The following TRIO variants were observed in gnomAD, a reference collection of about 807,000 sequenced individuals.
TRIO encodes triple functional domain protein.
In TRIO, 58 loss-of-function variants were observed where a neutral mutation model predicts 351.9. The ratio of observed to expected loss-of-function variants is 0.16; its 90% CI spans 0.13 to 0.21. The LOEUF (loss-of-function observed/expected upper bound fraction) is 0.21. TRIO is among the 10% of genes least tolerant of loss of function. TRIO has a pLI of 1.00. For synonymous variants in TRIO, 1,758 were observed against 1,595.7 expected, an observed-to-expected ratio of 1.10 and a Z score of -2.42; for missense variants, 3,201 against 4,027.8, an observed-to-expected ratio of 0.79 and a Z score of 5.56.
chr5:14,477,003 G>A, intron 41 of TRIO, 40 bp downstream of exon 41: 1 of 1,540,124 alleles, frequency 6.5e-7, no homozygotes, highest in Non-Finnish European at 8.9e-7. Context: ...TTCTGATGGT[G>A]TCATCCTTAG....
chr5:14,473,944 G>T, intron 39 of TRIO, 50 bp from the exon 40 acceptor site: 1 of 1,558,068 alleles, frequency 6.4e-7, no homozygotes, highest in South Asian at 1.2e-5. Context: ...GCCACTAGTT[G>T]ATTCAGACAT....
At chr5:14,149,084 C>A (rs1270812389) in intron 1 of TRIO, among the ~76,000 whole-genome samples, 1 of 152,150 alleles carries the variant, frequency 6.6e-6, no homozygotes, top group Non-Finnish European at 1.5e-5. Context: ...TGCTGTGCCT[C>A]TGAACTGAGG....
rs763311887 is a variant in TRIO at position 14,474,094 on chromosome 5, G to A, written c.6080G>A (p.Arg2027Lys). The A allele has an allele frequency of 1.9e-6, 3 of 1,612,546 alleles. No homozygotes were observed. Among genetic ancestry groups the A allele is most frequent in the South Asian group, 2.2e-5 (2 of 90,996 alleles). ...ATCCATCAGATTTACGACTGGCACA[G>A]AGAGTACGTAAACATGCATTGTGCC... ...GNIHQIYDWHRDFFLGELEKC... is the reference protein window; with the variant it reads ...GNIHQIYDWHKDFFLGELEKC... Residue 2027 changes from arginine to lysine, a missense_variant, in exon 40 of 57, where the codon AGA becomes AAA. Arg to Lys is a conservative substitution (Grantham distance 26). Coordinates refer to ENST00000344204, the MANE Select transcript of TRIO (RefSeq NM_007118.4).
chr5:14,373,256 A>G (rs1190444611), intron 18 of TRIO, among the ~76,000 whole-genome samples: 1 of 152,070 alleles, frequency 6.6e-6, no homozygotes, highest in Non-Finnish European at 1.5e-5. Flanking sequence ...ATATCAGACA[A>G]CTCGAAATTT....
intron 20 of TRIO, among the ~76,000 whole-genome samples, chr5:14,379,889 G>A (rs1196820888): frequency 6.6e-6 from 1 of 152,204 alleles, no homozygotes; most frequent in Admixed American, 6.5e-5. Context: ...CACATACCCA[G>A]TGCTTTCGCA....
At chr5:14,331,069 A>G (rs1581634918) in intron 10 of TRIO, among the ~76,000 whole-genome samples, 169 bp downstream of exon 10, 1 of 152,266 alleles carries the variant, frequency 6.6e-6, no homozygotes, top group Non-Finnish European at 1.5e-5. Context: ...CTAGGCAGAA[A>G]CATGATTTGG....
chr5:14,503,117 C>T (rs990525174), intron 54 of TRIO, among the ~76,000 whole-genome samples: 1 of 152,212 alleles, frequency 6.6e-6, no homozygotes, highest in Non-Finnish European at 1.5e-5. Flanking sequence ...GAGGGGCAGC[C>T]GAGTCAGGGG....
chr5:14,377,156 G>GT (rs112812791), intron 19 of TRIO, among the ~76,000 whole-genome samples: 2,044 of 137,356 alleles, frequency 0.015, 45 homozygotes, highest in African/African-American at 0.047. Context: ...CATGAGGTTT[G>GT]TTTTTTTTTT....
intron 9 of TRIO, among the ~76,000 whole-genome samples, chr5:14,323,355 C>T (rs77448539): frequency 0.01 from 1,581 of 151,964 alleles, 27 homozygotes; most frequent in African/African-American, 0.036. Context: ...TCTGTGTCAC[C>T]GCTCTGGGTC....
intron 34 of TRIO, chr5:14,440,992 C>G (rs973610612): frequency 4.7e-5 from 7 of 149,940 alleles, no homozygotes; most frequent in African/African-American, 1.2e-4. Flanking sequence ...ACTTGTGAAA[C>G]CCAACTGCAG....
chr5:14,262,847 G>A (rs1378187896), intron 1 of TRIO, among the ~76,000 whole-genome samples: 4 of 152,056 alleles, frequency 2.6e-5, no homozygotes, highest in Non-Finnish European at 5.9e-5. Flanking sequence ...ATGTTCAGGG[G>A]GGCATGGCTA....
At chr5:14,170,992 A>G (rs1005208372) in intron 1 of TRIO, among the ~76,000 whole-genome samples, 2 of 152,198 alleles carry the variant, frequency 1.3e-5, no homozygotes, top group Non-Finnish European at 2.9e-5. Flanking sequence ...GTAATGAAAA[A>G]TTACTGAAAC....
At chr5:14,507,044 C>T in intron 55 of TRIO, 78 bp from the exon 56 acceptor site, 1 of 1,483,938 alleles carries the variant, frequency 6.7e-7, no homozygotes. Context: ...ACAGGTCCGA[C>T]ATGTTTACTT....
In TRIO at chr5:14,225,793, C is replaced by CCG. The variant is rs932866166; in HGVS notation, c.158-45031_158-45030insGC. On this transcript the variant is annotated intron_variant, in intron 1 of 56. Transcript: ENST00000344204. Reference sequence around the variant, plus strand: ...TATCCCATCATATTCACTGCTCCCACCCCCCCCCCCACCTCCAAGCCCAAA... The same window carrying CCG: ...TATCCCATCATATTCACTGCTCCCACCGCCCCCCCCCCACCTCCAAGCCCAAA... Among the ~76,000 whole-genome samples, 5 of 17,988 alleles carry CCG rather than the reference C, an allele frequency of 2.8e-4. 1 individual carries two copies. The highest frequency in any genetic ancestry group is 0.021 in the Middle Eastern group (1 of 48). The allele number at this position is 17,988 out of a possible 152,430, so 11.8% of individuals were successfully genotyped here. A position where few individuals can be genotyped will look rare whatever the true frequency, so the allele number is the denominator to read the frequency against.
chr5:14,145,674 G>A (rs1312338267), intron 1 of TRIO, among the ~76,000 whole-genome samples: 1 of 152,082 alleles, frequency 6.6e-6, no homozygotes, highest in Admixed American at 6.5e-5. Flanking sequence ...TGTTAGAAAG[G>A]CTCTTCTGCG....
At chr5:14,382,473 G>A (rs982886792) in intron 21 of TRIO, among the ~76,000 whole-genome samples, 1 of 152,142 alleles carries the variant, frequency 6.6e-6, no homozygotes, top group Non-Finnish European at 1.5e-5. Flanking sequence ...CAGGGCTGCA[G>A]AGAGACCAGG....
At chr5:14,346,869 A>ACTC (rs1742466704) in intron 11 of TRIO, among the ~76,000 whole-genome samples, 1 of 152,232 alleles carries the variant, frequency 6.6e-6, no homozygotes, top group Non-Finnish European at 1.5e-5. Context: ...ATCCTCCCAC[A>ACTC]CTGATCTCCA....
chr5:14,375,744 C>T (rs1421734728), intron 19 of TRIO, among the ~76,000 whole-genome samples: 1 of 152,092 alleles, frequency 6.6e-6, no homozygotes, highest in Non-Finnish European at 1.5e-5. Context: ...GCTCACTTGC[C>T]CGAAATTAGT....
intron 7 of TRIO, among the ~76,000 whole-genome samples, chr5:14,297,889 A>T (rs572111496): frequency 6.6e-6 from 1 of 152,178 alleles, no homozygotes; most frequent in Non-Finnish European, 1.5e-5. Context: ...CACCCTCCGC[A>T]GGGATGGCTG....
Sources: allele counts gnomAD v4.1 joint callset (sites outside exome capture counted in the v4.1 genomes callset), GRCh38; gene constraint gnomAD v4.1.1; transcripts MANE v1.5; gene names NCBI Gene and HGNC (gene_info 2026-07-23, HGNC 2026-07-21).